Variants in AK9 observed in about 807,000 individuals in gnomAD.
AK9 encodes the protein adenylate kinase domain containing 1.
In AK9, 191 loss-of-function variants were observed where a neutral mutation model predicts 239.6. The observed-to-expected ratio is 0.80, with a 90% CI of 0.71 to 0.90. The LOEUF (loss-of-function observed/expected upper bound fraction) is 0.90, where lower values mean the gene tolerates loss of function less well. Among genes scored for constraint, AK9 ranks in the 40% least tolerant of loss-of-function variants. The pLI is 0.00. For missense variants in AK9, 1,995 were observed against 2,214.7 expected, an observed-to-expected ratio of 0.90 and a Z score of 1.99; for synonymous variants, 689 against 721.0, an observed-to-expected ratio of 0.96 and a Z score of 0.71.
At chr6:109,505,127 A>G (rs958286312) in intron 35 of AK9, among the ~76,000 whole-genome samples, 3 of 152,240 alleles carry the variant, frequency 2.0e-5, no homozygotes, top group Non-Finnish European at 4.4e-5. Flanking sequence ...ACAGATTCCC[A>G]ATTTGTAAAC....
At chr6:109,573,395 T>G in intron 21 of AK9, 47 bp downstream of exon 21, 1 of 1,506,932 alleles carries the variant, frequency 6.6e-7, no homozygotes, top group Non-Finnish European at 8.9e-7. Flanking sequence ...ACAGACACAT[T>G]AATGCACATG....
At chr6:109,561,089 G>A (rs113861188) in intron 24 of AK9, among the ~76,000 whole-genome samples, 2 of 151,994 alleles carry the variant, frequency 1.3e-5, no homozygotes, top group South Asian at 4.1e-4. Flanking sequence ...GAGTAGCTGG[G>A]ATTACAGGTG....
In AK9 at chr6:109,633,244, G is replaced by C; in HGVS notation, c.1013C>G (p.Thr338Arg). ...ACCATCTTTTAAATTCACAGGACAT[G>C]TACGTCCCCATTTACTTCTTTGCCA... The part of the protein sequence containing the change: ...YRWQRSKWGR[T>R]CPVNLKDGNI... The change falls in exon 11 of 41, where the codon ACA becomes AGA. Residue 338 changes from threonine to arginine, a missense_variant. Around this residue, in one of 5 missense-constraint regions of AK9, gnomAD observed 1,290 missense variants for 1,392.7 expected, o/e 0.93. Transcript: ENST00000424296. 17 of 1,609,724 alleles carry C rather than the reference G, an allele frequency of 1.1e-5. 1 individual carries two copies. Among genetic ancestry groups the C allele is most frequent in the Non-Finnish European group, 1.4e-5 (17 of 1,179,186 alleles).
chr6:109,583,205 T>C (rs533194552), intron 19 of AK9, among the ~76,000 whole-genome samples: 2 of 152,218 alleles, frequency 1.3e-5, no homozygotes, highest in East Asian at 3.9e-4. Flanking sequence ...ATCTTCCTTA[T>C]CCAAATCCTG....
At chr6:109,640,237 C>A (rs1052031093) in intron 10 of AK9, among the ~76,000 whole-genome samples, 3 of 152,180 alleles carry the variant, frequency 2.0e-5, no homozygotes, top group Non-Finnish European at 4.4e-5. Context: ...ACCTGCCGAG[C>A]CAGGCATGCA....
chr6:109,610,512 G>T lies in AK9; in HGVS notation c.1695C>A (p.Ala565=). 1 of 1,549,236 alleles carries T rather than the reference G, an allele frequency of 6.5e-7. No homozygotes were observed. Among genetic ancestry groups the T allele is most frequent in the Non-Finnish European group, 8.7e-7 (1 of 1,146,250 alleles). ...SQDVKLYSDT[A]PTEDLIEEVT... Reference sequence around the variant, plus strand: ...CCTCTTCTATCAAGTCTTCTGTTGGGGCTAAAGTAAAATAAGCTGATAAAT... The same window carrying T: ...CCTCTTCTATCAAGTCTTCTGTTGGTGCTAAAGTAAAATAAGCTGATAAAT... Residue 565 remains alanine (A), a splice_region_variant and synonymous_variant, in exon 17 of 41, where the codon GCC becomes GCA. Coordinates refer to ENST00000424296, the MANE Select transcript of AK9 (RefSeq NM_001145128.3).
At chr6:109,498,961 G>T in intron 36 of AK9, 83 bp downstream of exon 36, 1 of 1,226,420 alleles carries the variant, frequency 8.2e-7, no homozygotes, top group Non-Finnish European at 1.1e-6. Context: ...AAGTTTCTGG[G>T]TGCCTATCCC....
intron 30 of AK9, 118 bp downstream of exon 30, chr6:109,516,312 A>T: frequency 1.0e-6 from 1 of 969,152 alleles, no homozygotes. Context: ...ATAAAAGGAA[A>T]TACAGCCCTA....
chr6:109,646,382 G>A (rs1240934155), intron 8 of AK9, among the ~76,000 whole-genome samples: 2 of 152,092 alleles, frequency 1.3e-5, no homozygotes, highest in East Asian at 3.9e-4. Context: ...AGAATAAACA[G>A]GGTAGACAAG....
At chr6:109,559,341 G>A (rs150061410) in intron 24 of AK9, among the ~76,000 whole-genome samples, 5 of 151,878 alleles carry the variant, frequency 3.3e-5, no homozygotes, top group Non-Finnish European at 7.4e-5. Context: ...CTAATTTTTT[G>A]TATTTTTAGT....
intron 1 of AK9, among the ~76,000 whole-genome samples, chr6:109,688,849 G>A (rs1291116914): frequency 1.3e-5 from 2 of 152,160 alleles, no homozygotes; most frequent in Non-Finnish European, 2.9e-5. Flanking sequence ...CTATGTGATT[G>A]GATGAGATTG....
chr6:109,564,315 G>A, intron 22 of AK9, 35 bp from the exon 23 acceptor site: 1 of 1,480,504 alleles, frequency 6.8e-7, no homozygotes, highest in South Asian at 1.3e-5. Flanking sequence ...GAAAAAAGGG[G>A]CTTTAAATAT....
At chr6:109,597,140 T>C (rs1018150486) in intron 17 of AK9, among the ~76,000 whole-genome samples, 3 of 152,200 alleles carry the variant, frequency 2.0e-5, no homozygotes, top group Admixed American at 2.0e-4. Context: ...ATTAGATTCC[T>C]CACATGACTT....
chr6:109,551,390 G>A (rs941893238), intron 24 of AK9, among the ~76,000 whole-genome samples: 3 of 151,716 alleles, frequency 2.0e-5, no homozygotes, highest in Non-Finnish European at 4.4e-5. Flanking sequence ...ATGGTGGCGC[G>A]TGCCTGTAAT....
chr6:109,669,182 A>G (rs1377409771), intron 5 of AK9, among the ~76,000 whole-genome samples: 9 of 151,500 alleles, frequency 5.9e-5, no homozygotes, highest in African/African-American at 2.2e-4. Context: ...TTCACTCATG[A>G]TTTGGCTGTT....
chr6:109,658,888 G>T (rs1800048342), intron 7 of AK9, among the ~76,000 whole-genome samples: 2 of 151,842 alleles, frequency 1.3e-5, no homozygotes, highest in South Asian at 2.1e-4. Flanking sequence ...ACAGAAAATA[G>T]ACTAAGAAAT....
chr6:109,658,967 T>G (rs1800057655), intron 7 of AK9, among the ~76,000 whole-genome samples: 2 of 152,164 alleles, frequency 1.3e-5, no homozygotes, highest in Admixed American at 6.5e-5. Context: ...TCCATAGTTA[T>G]GAAATGAAGC....
At chr6:109,654,896 T>C (rs1212572692) in intron 8 of AK9, among the ~76,000 whole-genome samples, 2 of 152,206 alleles carry the variant, frequency 1.3e-5, no homozygotes, top group African/African-American at 4.8e-5. Context: ...GTGGTCTTGG[T>C]CTAAAAGTGA....
chr6:109,543,785 T>C (rs1357734908), intron 26 of AK9, among the ~76,000 whole-genome samples: 1 of 151,918 alleles, frequency 6.6e-6, no homozygotes, highest in African/African-American at 2.4e-5. Flanking sequence ...TATCAGTTTC[T>C]CCTGAACGCT....
Sources: gnomAD v4.1 joint callset for allele counts (sites outside exome capture counted in the v4.1 genomes callset) on GRCh38, gnomAD v4.1.1 for gene constraint, gnomAD v4.1.1 regional missense constraint, MANE v1.5 for transcripts, NCBI Gene and HGNC (gene_info 2026-07-23, HGNC 2026-07-21) for gene names.